Variants in CRMP1 observed in about 807,000 individuals in gnomAD.
CRMP1 encodes the protein collapsin response mediator protein 1, also known as dihydropyrimidinase-related protein 1.
In CRMP1, 19 loss-of-function variants were observed where a neutral mutation model predicts 68.3. That is an observed-to-expected ratio of 0.28 (90% CI 0.19 to 0.41). CRMP1 has a LOEUF of 0.41. Ranked by LOEUF, CRMP1 falls within the 10% of genes least tolerant of loss-of-function variation. CRMP1 has a pLI of 1.00. For missense variants in CRMP1, 791 were observed against 967.4 expected, an observed-to-expected ratio of 0.82 and a Z score of 2.42; for synonymous variants, 439 against 399.6, an observed-to-expected ratio of 1.10 and a Z score of -1.18.
At position 5,892,833 on chromosome 4, in the gene CRMP1, T is replaced by C; in HGVS notation, c.137A>G (p.Lys46Arg). 7.1e-7 allele frequency: 1 copy of C among 1,415,182 alleles called. No homozygotes were observed. The highest frequency in any genetic ancestry group is 9.3e-7 in the Non-Finnish European group (1 of 1,073,030). 87.7% of individuals were successfully genotyped at this position (1,415,182 alleles called of 1,614,324 possible). A position where few individuals can be genotyped will look rare whatever the true frequency, so the allele number is the denominator to read the frequency against. ...ACTGTAGGCGTCGAAGTCGATGGTCTTGTTCTCGTAGGCGCCCTCCACCGC... is the reference window on the plus strand; with the variant it reads ...ACTGTAGGCGTCGAAGTCGATGGTCCTGTTCTCGTAGGCGCCCTCCACCGC... Reference protein sequence around the residue: ...FAAVEGAYENKTIDFDAYSVG... With the variant: ...FAAVEGAYENRTIDFDAYSVG... The change falls in exon 1 of 14, where the codon AAG (lysine) becomes AGG (arginine). Residue 46 changes from lysine to arginine, a missense_variant. By Grantham distance (26) the Lys-to-Arg change is conservative. This residue lies in a region of CRMP1 where 193 missense variants were observed against 186.3 expected (regional missense o/e 1.04). Transcript: ENST00000324989. This position sits in a 1 kb window ranked among gnomAD's most constrained non-coding sequence, Gnocchi z 8.6.
In CRMP1 at chr4:5,881,471, C is replaced by T. The variant is rs1323642325; in HGVS notation, c.381+11118G>A. On this transcript the variant is annotated intron_variant, in intron 1 of 13. Coordinates refer to ENST00000324989, the MANE Select transcript of CRMP1 (RefSeq NM_001014809.3). The surrounding 1 kb of genome is among the most constrained non-coding windows in gnomAD (Gnocchi z 4.6). ...AAGTCTGCAACCATCACCATGCCCT[C>T]CCACTGCAGTGTGACTGTAGCTGTC... Among the ~76,000 whole-genome samples, 1 of 152,172 alleles carries T rather than the reference C, an allele frequency of 6.6e-6. No homozygotes were observed. The highest frequency in any genetic ancestry group is 6.5e-5 in the Admixed American group (1 of 15,278).
chr4:5,875,451 A>G (rs1714743706), intron 1 of CRMP1, among the ~76,000 whole-genome samples: 1 of 151,958 alleles, frequency 6.6e-6, no homozygotes, highest in African/African-American at 2.4e-5. Flanking sequence ...ATCAACCTCT[A>G]TCCAAAAATC....
intron 9 of CRMP1, 106 bp from the exon 10 acceptor site, chr4:5,837,012 T>C: frequency 4.5e-6 from 6 of 1,321,686 alleles, no homozygotes; most frequent in Non-Finnish European, 6.2e-6. Context: ...AATGAATAGA[T>C]AAGGAAGCCA....
At chr4:5,857,587 C>G (rs1052557926) in intron 3 of CRMP1, among the ~76,000 whole-genome samples, 2 of 152,128 alleles carry the variant, frequency 1.3e-5, no homozygotes, top group African/African-American at 4.8e-5. Context: ...GACATAAGTT[C>G]GTTCATTCAA....
chr4:5,865,632 A>G lies in CRMP1; in HGVS notation c.470+1036T>C, dbSNP rs1167971123. ...GAGACTCCGTCTCAAAAAAAAAAAA[A>G]AAAAAGAAGGCCGCCGCCTACAGAC... On this transcript the variant is annotated intron_variant, in intron 2 of 13. Coordinates refer to ENST00000324989, the MANE Select transcript of CRMP1 (RefSeq NM_001014809.3). This position sits in a 1 kb window ranked among gnomAD's most constrained non-coding sequence, Gnocchi z 4.1. Among the ~76,000 whole-genome samples, 1 of 151,778 alleles carries G rather than the reference A, an allele frequency of 6.6e-6. No individual in the cohort carries two copies. The highest frequency in any genetic ancestry group is 1.5e-5 in the Non-Finnish European group (1 of 67,926).
In CRMP1 at chr4:5,835,907, G is replaced by T; in HGVS notation, c.1623+8C>A. 6.6e-7 allele frequency: 1 copy of T among 1,524,026 alleles called. No homozygotes were observed. The highest frequency in any genetic ancestry group is 8.8e-7 in the Non-Finnish European group (1 of 1,136,078). The allele number at this position is 1,524,026 out of a possible 1,614,324, so 94.4% of individuals were successfully genotyped here. ...TTATCTCAGCAGCACAAATAGGCCAGGACTTACCGACTTGTGACTTTTGGC... is the reference window on the plus strand; with the variant it reads ...TTATCTCAGCAGCACAAATAGGCCATGACTTACCGACTTGTGACTTTTGGC... On this transcript the variant is annotated splice_region_variant and intron_variant, in intron 11 of 13. Transcript: ENST00000324989.
At chr4:5,848,595 G>A (rs1263452598) in intron 6 of CRMP1, among the ~76,000 whole-genome samples, 1 of 152,202 alleles carries the variant, frequency 6.6e-6, no homozygotes, top group East Asian at 1.9e-4. Context: ...AGTCCATTAT[G>A]TGTCAGATTC....
Position 5,841,209 on chromosome 4 carries a change from G to A in CRMP1, c.1153+99C>T, listed in dbSNP as rs6850767. ...TCCCCGCTCCACCCCTCCCTCCTCC[G>A]GCTGCCTGTCTGAGTTCGGGAGGGA... On this transcript the variant is annotated intron_variant, in intron 8 of 13. Transcript: ENST00000324989. The surrounding 1 kb of genome is among the most constrained non-coding windows in gnomAD (Gnocchi z 6.9). 1.2e-3 allele frequency: 1,861 copies of A among 1,585,412 alleles called. 20 individuals carry two copies. The African/African-American group carries it at 0.021, about 18-fold the overall frequency.
rs1177563716 is a variant in CRMP1 at position 5,821,659 on chromosome 4, A to G, written c.*101T>C. The G allele has an allele frequency of 8.8e-7, 1 of 1,133,106 alleles. No homozygotes were observed. 70.2% of individuals were successfully genotyped at this position (1,133,106 alleles called of 1,614,324 possible). On this transcript the variant is annotated 3_prime_UTR_variant, in exon 14 of 14. Transcript: ENST00000324989. This position sits in a 1 kb window ranked among gnomAD's most constrained non-coding sequence, Gnocchi z 4.4. ...CATCCTTCGACTTCCCCCTCCCTCC[A>G]TCAGCACCAACTAAAACTGTGGGTT...
Position 5,825,199 on chromosome 4 carries a change from G to T in CRMP1, c.1969+295C>A. 1 of 985,326 alleles carries T rather than the reference G, an allele frequency of 1.0e-6. No homozygotes were observed. Among genetic ancestry groups the T allele is most frequent in the Non-Finnish European group, 1.2e-6 (1 of 829,924 alleles). The allele number at this position is 985,326 out of a possible 1,614,324, so 61.0% of individuals were successfully genotyped here. On this transcript the variant is annotated intron_variant, in intron 13 of 13. Transcript: ENST00000324989. This position sits in a 1 kb window ranked among gnomAD's most constrained non-coding sequence, Gnocchi z 4.4. ...TGTTTACTTTCATGAGGAAGAGTGT[G>T]AAAGTGTCCCCAAATGTGTGTAAGG...
Position 5,866,001 on chromosome 4 carries a change from G to A in CRMP1, c.470+667C>T, listed in dbSNP as rs565675694. ...CAACCCTGACGGCAGCTTGATCCGG[G>A]ACTTCCAGCCTCCAGAACTATGAGA... On this transcript the variant is annotated intron_variant, in intron 2 of 13. Transcript: ENST00000324989. This position sits in a 1 kb window ranked among gnomAD's most constrained non-coding sequence, Gnocchi z 5.9. Among the ~76,000 whole-genome samples the A allele has an allele frequency of 6.6e-6, 1 of 152,264 alleles. No individual in the cohort carries two copies. The highest frequency in any genetic ancestry group is 2.1e-4 in the South Asian group (1 of 4,818).
rs1714336032 is a variant in CRMP1 at position 5,870,087 on chromosome 4, A to G, written c.382-3331T>C. On this transcript the variant is annotated intron_variant, in intron 1 of 13. Transcript: ENST00000324989. This position sits in a 1 kb window ranked among gnomAD's most constrained non-coding sequence, Gnocchi z 6.0. ...GCTCAAAGCTTCTTGCATCAGAATC[A>G]TACTTCCCTCAGAGTGAAAGCCAAG... Among the ~76,000 whole-genome samples, 1 of 152,232 alleles carries G rather than the reference A, an allele frequency of 6.6e-6. No homozygotes were observed. Among genetic ancestry groups the G allele is most frequent in the African/African-American group, 2.4e-5 (1 of 41,466 alleles).
rs530116808 is a variant in CRMP1 at position 5,833,334 on chromosome 4, T to C, written c.1623+2581A>G. On this transcript the variant is annotated intron_variant, in intron 11 of 13. Transcript: ENST00000324989. Reference sequence around the variant, plus strand: ...GGCGCCCGCCACTACGCCCGGCTAATTTTTTGTATTTTTAGTAGAGACAGG... The same window carrying C: ...GGCGCCCGCCACTACGCCCGGCTAACTTTTTGTATTTTTAGTAGAGACAGG... 9.1e-5 allele frequency among the ~76,000 whole-genome samples: 12 copies of C among 131,312 alleles called. No individual in the cohort carries two copies. The East Asian group carries it at 2.5e-3, about 28-fold the overall frequency. 86.1% of individuals were successfully genotyped at this position (131,312 alleles called of 152,430 possible).
intron 6 of CRMP1, among the ~76,000 whole-genome samples, chr4:5,848,975 A>T (rs946216905): frequency 6.6e-6 from 1 of 152,228 alleles, no homozygotes; most frequent in Non-Finnish European, 1.5e-5. Flanking sequence ...CTTTTGAAGG[A>T]CACATTCAAG....
chr4:5,857,715 G>C (rs1484380271), intron 3 of CRMP1, among the ~76,000 whole-genome samples: 1 of 152,106 alleles, frequency 6.6e-6, no homozygotes, highest in East Asian at 1.9e-4. Context: ...GCAGAAGAAG[G>C]AAGGTTATCC....
At chr4:5,846,346 G>A (rs1560498763) in intron 6 of CRMP1, among the ~76,000 whole-genome samples, 1 of 152,060 alleles carries the variant, frequency 6.6e-6, no homozygotes. Context: ...AGAGATGAAG[G>A]CTGTGCCTGT....
In CRMP1 at chr4:5,866,274, G is replaced by T. The variant is rs1368811702; in HGVS notation, c.470+394C>A. 2.0e-5 allele frequency among the ~76,000 whole-genome samples: 3 copies of T among 152,210 alleles called. No individual in the cohort carries two copies. Among genetic ancestry groups the T allele is most frequent in the Non-Finnish European group, 2.9e-5 (2 of 68,044 alleles). On this transcript the variant is annotated intron_variant, in intron 2 of 13. Transcript: ENST00000324989. The surrounding 1 kb of genome is among the most constrained non-coding windows in gnomAD (Gnocchi z 5.9). ...AGAAACTGTGGGTAGGTGGAAGAAA[G>T]AGCTGTGAATTCAGTTGTCTCAGGG...
intron 1 of CRMP1, among the ~76,000 whole-genome samples, chr4:5,880,278 C>T (rs1317088614): frequency 6.6e-6 from 1 of 152,120 alleles, no homozygotes; most frequent in Non-Finnish European, 1.5e-5. Context: ...AATTGTACAA[C>T]ATAAAATTTT....
chr4:5,834,932 C>T lies in CRMP1; in HGVS notation c.1623+983G>A, dbSNP rs1720632993. ...AGACCTCTGCTTCTGCAGGCCATGTCTGTGGCAGCCAATGGATACTCCAGG... is the reference window on the plus strand; with the variant it reads ...AGACCTCTGCTTCTGCAGGCCATGTTTGTGGCAGCCAATGGATACTCCAGG... On this transcript the variant is annotated intron_variant, in intron 11 of 13. Coordinates refer to ENST00000324989, the MANE Select transcript of CRMP1 (RefSeq NM_001014809.3). The surrounding 1 kb of genome is among the most constrained non-coding windows in gnomAD (Gnocchi z 4.3). Among the ~76,000 whole-genome samples the T allele has an allele frequency of 6.6e-6, 1 of 152,226 alleles. No homozygotes were observed. The highest frequency in any genetic ancestry group is 6.5e-5 in the Admixed American group (1 of 15,280).
Sources: allele counts gnomAD v4.1 joint callset (sites outside exome capture counted in the v4.1 genomes callset), GRCh38; gene constraint gnomAD v4.1.1; regional missense constraint gnomAD v4.1.1; non-coding constraint Gnocchi (gnomAD v3.1); transcripts MANE v1.5; gene names NCBI Gene and HGNC (gene_info 2026-07-23, HGNC 2026-07-21).